SCN9A: variants seen among roughly 807,000 people sequenced by gnomAD.
The protein encoded by SCN9A is sodium voltage-gated channel alpha subunit 9.
SCN9A carries 131 observed loss-of-function variants against 187.0 expected under a neutral mutation model. The observed-to-expected ratio is 0.70, with a 90% confidence interval of 0.61 to 0.81. The LOEUF (loss-of-function observed/expected upper bound fraction) is 0.81. SCN9A is among the 30% of genes least tolerant of loss of function. The pLI is 0.00. For missense variants in SCN9A, 2,252 were observed against 2,396.6 expected, an observed-to-expected ratio of 0.94 and a Z score of 1.26; for synonymous variants, 809 against 808.6, an observed-to-expected ratio of 1.00 and a Z score of -0.01.
chr2:166,246,706 A>T (rs1184554646), intron 18 of SCN9A, among the ~76,000 whole-genome samples: 1 of 152,058 alleles, frequency 6.6e-6, no homozygotes, highest in Non-Finnish European at 1.5e-5. Context: ...GGTTAAGAAG[A>T]TTTTGCTCTC....
chr2:166,271,047 CAGGTA>C (rs1238400747), intron 17 of SCN9A, among the ~76,000 whole-genome samples: 1 of 151,786 alleles, frequency 6.6e-6, no homozygotes. Context: ...TAGAAATATG[CAGGTA>C]AGGGTGGGAG....
At chr2:166,311,376 A>ATATATATAT (rs1698948310) in intron 2 of SCN9A, 123 bp downstream of exon 2, 1 of 127,852 alleles carries the variant, frequency 7.8e-6, no homozygotes, top group Non-Finnish European at 1.6e-5. Flanking sequence ...ATATATATAT[A>ATATATATAT]TTTAATTTAA....
chr2:166,331,569 G>A (rs1699503708), intron 1 of SCN9A, among the ~76,000 whole-genome samples: 1 of 152,128 alleles, frequency 6.6e-6, no homozygotes, highest in Admixed American at 6.6e-5. Flanking sequence ...CCATTTTATG[G>A]CAAATGAGCA....
chr2:166,373,431 A>G (rs1165569763), intron 1 of SCN9A, among the ~76,000 whole-genome samples: 1 of 151,694 alleles, frequency 6.6e-6, no homozygotes, highest in African/African-American at 2.4e-5. Flanking sequence ...AGAGATTGAT[A>G]TGGAGGCTGT....
intron 1 of SCN9A, among the ~76,000 whole-genome samples, chr2:166,374,811 G>T (rs1700648958): frequency 6.6e-6 from 1 of 151,768 alleles, no homozygotes. Flanking sequence ...AGCTTACTTT[G>T]ATTTGGCTTT....
rs540431428 is a variant in SCN9A at position 166,363,248 on chromosome 2, T to C, written c.-51+12449A>G. ...TAAATAGTAGAAATCATTGATCTACTTGACCGTTGAGAAAACAAGATAGCT... is the reference window on the plus strand; with the variant it reads ...TAAATAGTAGAAATCATTGATCTACCTGACCGTTGAGAAAACAAGATAGCT... On this transcript the variant is annotated intron_variant, in intron 1 of 26. Transcript: ENST00000642356. Among the ~76,000 whole-genome samples the C allele has an allele frequency of 2.6e-5, 4 of 152,188 alleles. No homozygotes were observed. The East Asian group carries it at 7.7e-4, about 29-fold the overall frequency.
At chr2:166,227,008 T>A (rs868257486) in intron 23 of SCN9A, among the ~76,000 whole-genome samples, 1 of 152,142 alleles carries the variant, frequency 6.6e-6, no homozygotes, top group Middle Eastern at 3.4e-3. Flanking sequence ...AATAACTAAG[T>A]GACATACTAT....
Position 166,199,680 on chromosome 2 carries a change from C to T in SCN9A, c.4959G>A (p.Leu1653=), listed in dbSNP as rs768193278. ...ALFNIGLLLF[L]VMFIYAIFGM... ...CAAAGATGGCGTAGATGAACATGAC[C>T]AGGAAGAGCAGGAGGCCGATGTTAA... The change falls in exon 27 of 27, where the codon CTG becomes CTA. Residue 1653 remains leucine, a synonymous_variant. Transcript: ENST00000642356. The T allele has an allele frequency of 6.2e-7, 1 of 1,613,984 alleles. No individual in the cohort carries two copies.
At chr2:166,263,046 G>A (rs574224874) in intron 17 of SCN9A, among the ~76,000 whole-genome samples, 53 of 152,088 alleles carry the variant, frequency 3.5e-4, no homozygotes, top group African/African-American at 1.3e-3. Context: ...GTGGCAGAAG[G>A]GAGGTGCTTC....
At chr2:166,212,361 A>AT (rs1558952498) in intron 24 of SCN9A, among the ~76,000 whole-genome samples, 1 of 152,196 alleles carries the variant, frequency 6.6e-6, no homozygotes, top group Non-Finnish European at 1.5e-5. Flanking sequence ...GCCAAAATAG[A>AT]TTTTAAATAA....
At chr2:166,243,492 G>A (rs1182424909) in intron 18 of SCN9A, among the ~76,000 whole-genome samples, 2 of 151,966 alleles carry the variant, frequency 1.3e-5, no homozygotes, top group African/African-American at 4.8e-5. Flanking sequence ...AATCTCACCT[G>A]GCTTATTTCT....
At chr2:166,220,627 G>T (rs56170951) in intron 24 of SCN9A, among the ~76,000 whole-genome samples, 50,379 of 151,976 alleles carry the variant, frequency 0.33, 8,626 homozygotes, top group South Asian at 0.38. Context: ...GTGGTATTCT[G>T]TTATAGTAGC....
chr2:166,228,660 A>ATACCAAGCACTCATGAAATGGGACACT, intron 22 of SCN9A, 31 bp downstream of exon 22: 1 of 1,547,140 alleles, frequency 6.5e-7, no homozygotes, highest in Non-Finnish European at 8.8e-7. Flanking sequence ...ATCTATTAAA[A>ATACCAAGCACTCATGAAATGGGACACT]TACCAAGCAC....
At chr2:166,205,856 T>C (rs192681036) in intron 24 of SCN9A, among the ~76,000 whole-genome samples, 1 of 152,124 alleles carries the variant, frequency 6.6e-6, no homozygotes, top group Non-Finnish European at 1.5e-5. Context: ...GGGCAAAGGA[T>C]ATGAACAGGT....
chr2:166,296,039 T>G (rs1293145572), intron 7 of SCN9A: 12 of 152,204 alleles, frequency 7.9e-5, no homozygotes, highest in African/African-American at 2.9e-4. Flanking sequence ...TTAAAAAATC[T>G]GATTATTGGG....
chr2:166,313,764 A>T (rs7424841), intron 1 of SCN9A, among the ~76,000 whole-genome samples: 1 of 152,114 alleles, frequency 6.6e-6, no homozygotes, highest in Non-Finnish European at 1.5e-5. Flanking sequence ...AACTTGGCTA[A>T]GTACTTAGTG....
At chr2:166,345,390 A>T in intron 1 of SCN9A, among the ~76,000 whole-genome samples, 1 of 152,154 alleles carries the variant, frequency 6.6e-6, no homozygotes, top group East Asian at 1.9e-4. Context: ...TATTATCCTC[A>T]TTTTAATTCA....
intron 1 of SCN9A, among the ~76,000 whole-genome samples, chr2:166,350,593 C>T (rs190041054): frequency 1.3e-5 from 2 of 152,180 alleles, no homozygotes; most frequent in Admixed American, 6.5e-5. Flanking sequence ...TAACTATGCC[C>T]ACTATTATCC....
intron 17 of SCN9A, among the ~76,000 whole-genome samples, chr2:166,269,835 T>C (rs1696897880): frequency 6.6e-6 from 1 of 152,112 alleles, no homozygotes; most frequent in Admixed American, 6.6e-5. Flanking sequence ...TGGTTGACTT[T>C]CCCCAGCTCC....
Sources: gnomAD v4.1 joint callset for allele counts (sites outside exome capture counted in the v4.1 genomes callset) on GRCh38, gnomAD v4.1.1 for gene constraint, MANE v1.5 for transcripts, NCBI Gene and HGNC (gene_info 2026-07-23, HGNC 2026-07-21) for gene names.